CRIPTO: variants seen among roughly 807,000 people sequenced by gnomAD.
CRIPTO encodes protein Cripto.
chr3:46,582,430 T>C, the CRIPTO span: 39 of 152,326 alleles, frequency 2.6e-4, no homozygotes, highest in African/African-American at 7.5e-4. Context: ...TATATGTGTA[T>C]GCACAGTAAA....
chr3:46,581,022 G>A, the CRIPTO span: 1 of 798,806 alleles, frequency 1.3e-6, no homozygotes, highest in Non-Finnish European at 2.2e-6. Flanking sequence ...AGGTGTGAGT[G>A]TCCTGAGAAG....
chr3:46,579,652 AT>A, the CRIPTO span: 1 of 1,337,668 alleles, frequency 7.5e-7, no homozygotes, highest in African/African-American at 1.4e-5. Flanking sequence ...GATACAACAC[AT>A]TGGTGTTGTA....
the CRIPTO span, among the ~76,000 whole-genome samples, chr3:46,575,735 C>T: frequency 6.6e-6 from 1 of 152,192 alleles, no homozygotes; most frequent in Non-Finnish European, 1.5e-5. Flanking sequence ...CAGGCCTGCC[C>T]AGTCTCTAAA....
chr3:46,577,076 C>A, the CRIPTO span, among the ~76,000 whole-genome samples: 1 of 152,248 alleles, frequency 6.6e-6, no homozygotes, highest in Non-Finnish European at 1.5e-5. Context: ...TGGAACAGGC[C>A]GGCACTCCCA....
At chr3:46,580,234 ATATT>A in the CRIPTO span, 1 of 813,546 alleles carries the variant, frequency 1.2e-6, no homozygotes, top group African/African-American at 1.7e-5. Flanking sequence ...GGCCTCTTTG[ATATT>A]TATTTCCTCG....
chr3:46,578,069 G>A, the CRIPTO span: 1 of 1,523,692 alleles, frequency 6.6e-7, no homozygotes, highest in Non-Finnish European at 9.1e-7. Context: ...AGGAAGTAAT[G>A]TTCTACACCT....
chr3:46,576,227 T>G, the CRIPTO span, among the ~76,000 whole-genome samples: 1 of 152,078 alleles, frequency 6.6e-6, no homozygotes, highest in African/African-American at 2.4e-5. Flanking sequence ...CCCAGCACTT[T>G]GGGAGGCCGA....
the CRIPTO span, chr3:46,579,371 G>A: frequency 1.2e-6 from 2 of 1,614,084 alleles, no homozygotes; most frequent in South Asian, 1.1e-5. Context: ...AGCACAGTAA[G>A]AACTGCCTGA....
At chr3:46,581,628 G>A in the CRIPTO span, 1 of 538,110 alleles carries the variant, frequency 1.9e-6, no homozygotes, top group Non-Finnish European at 3.2e-6. Flanking sequence ...TCCTGCCTCA[G>A]CCTCCCAAGT....
chr3:46,581,342 GA>G, the CRIPTO span: 1 of 1,009,172 alleles, frequency 9.9e-7, no homozygotes, highest in Non-Finnish European at 1.6e-6. Flanking sequence ...CTAACTGAAA[GA>G]TGATCATTTG....
chr3:46,581,386 A>T, the CRIPTO span: 1 of 774,372 alleles, frequency 1.3e-6, no homozygotes, highest in Non-Finnish European at 2.3e-6. Context: ...ACATTTCCAA[A>T]ATGGTCTCTA....
At chr3:46,577,607 A>G in the CRIPTO span, 1 of 339,624 alleles carries the variant, frequency 2.9e-6, no homozygotes, top group Non-Finnish European at 5.5e-6. Flanking sequence ...TATTAGGGCT[A>G]GTTAACCACA....
the CRIPTO span, chr3:46,581,211 G>A: frequency 6.2e-7 from 1 of 1,614,178 alleles, no homozygotes; most frequent in Non-Finnish European, 8.5e-7. Flanking sequence ...CCACTTTTAT[G>A]CTAGTTGGCA....
At chr3:46,578,196 A>T in the CRIPTO span, among the ~76,000 whole-genome samples, 1 of 152,096 alleles carries the variant, frequency 6.6e-6, no homozygotes, top group African/African-American at 2.4e-5. Context: ...GGCTTTTAAC[A>T]TTTTCGTGTT....
the CRIPTO span, chr3:46,579,042 T>G: frequency 6.2e-7 from 1 of 1,603,344 alleles, no homozygotes; most frequent in Non-Finnish European, 8.5e-7. Flanking sequence ...TGTTAACTTG[T>G]AAGGTTTTAT....
At chr3:46,575,590 C>T in the CRIPTO span, among the ~76,000 whole-genome samples, 1 of 152,204 alleles carries the variant, frequency 6.6e-6, no homozygotes, top group Non-Finnish European at 1.5e-5. Context: ...ACAACATCGC[C>T]AGACTGGAGA....
At chr3:46,580,200 G>C in the CRIPTO span, 2 of 1,090,050 alleles carry the variant, frequency 1.8e-6, no homozygotes, top group Non-Finnish European at 2.7e-6. Context: ...AAGCATCGCA[G>C]ACTCCTGATG....
chr3:46,581,886 G>T, the CRIPTO span: 34 of 158,980 alleles, frequency 2.1e-4, no homozygotes, highest in Admixed American at 6.2e-4. Context: ...TATATGTTCA[G>T]ATTATTGGAG....
At chr3:46,579,516 G>T in the CRIPTO span, 1 of 1,408,556 alleles carries the variant, frequency 7.1e-7, no homozygotes, top group Non-Finnish European at 9.9e-7. Context: ...GACAAGGATT[G>T]TGTATTTTAC....
Sources: allele counts gnomAD v4.1 joint callset (sites outside exome capture counted in the v4.1 genomes callset), GRCh38; gene constraint gnomAD v4.1.1; transcripts MANE v1.5; gene names NCBI Gene and HGNC (gene_info 2026-07-23, HGNC 2026-07-21).